THEMIS: variants seen among roughly 807,000 people sequenced by gnomAD.
THEMIS encodes the protein thymocyte selection associated.
In THEMIS, 37 loss-of-function variants were observed where a neutral mutation model predicts 52.6. The observed-to-expected ratio is 0.70, with a 90% CI of 0.54 to 0.93. The LOEUF (loss-of-function observed/expected upper bound fraction) is 0.93, where lower values mean the gene tolerates loss of function less well. Ranked by LOEUF, THEMIS falls within the 40% of genes least tolerant of loss-of-function variation. The pLI is 0.00. For missense variants in THEMIS, 808 were observed against 763.1 expected, an observed-to-expected ratio of 1.06 and a Z score of -0.69; for synonymous variants, 292 against 272.7, an observed-to-expected ratio of 1.07 and a Z score of -0.70.
chr6:127,793,699 C>A (rs1030796386), intron 4 of THEMIS, among the ~76,000 whole-genome samples: 3 of 152,134 alleles, frequency 2.0e-5, no homozygotes, highest in Non-Finnish European at 2.9e-5. Context: ...AGGAACTCAA[C>A]TGAATTTTTT....
At chr6:127,887,607 A>G (rs935315407) in intron 1 of THEMIS, among the ~76,000 whole-genome samples, 1 of 152,158 alleles carries the variant, frequency 6.6e-6, no homozygotes, top group East Asian at 1.9e-4. Flanking sequence ...GATAAAAAAG[A>G]CTGCATATTG....
At chr6:127,904,056 G>A (rs2114513719), upstream of THEMIS, among the ~76,000 whole-genome samples, 1 of 152,206 alleles carries the variant, frequency 6.6e-6, no homozygotes, top group Non-Finnish European at 1.5e-5. Context: ...GGCACCAAGA[G>A]AGAGTCTGAG....
chr6:127,785,220 T>TTATCTATC (rs71028106), intron 4 of THEMIS, among the ~76,000 whole-genome samples: 28,872 of 93,772 alleles, frequency 0.31, 3,410 homozygotes, highest in Non-Finnish European at 0.38. Flanking sequence ...ATTATCTATC[T>TTATCTATC]TATCTATCTA....
chr6:127,723,708 T>C (rs1774443059), intron 4 of THEMIS, among the ~76,000 whole-genome samples: 1 of 152,018 alleles, frequency 6.6e-6, no homozygotes, highest in South Asian at 2.1e-4. Flanking sequence ...GCATTCTTAG[T>C]AAAATTTCCC....
intron 4 of THEMIS, among the ~76,000 whole-genome samples, chr6:127,774,430 C>T (rs930841048): frequency 6.6e-6 from 1 of 152,182 alleles, no homozygotes; most frequent in Non-Finnish European, 1.5e-5. Flanking sequence ...TGGTCTCGAT[C>T]TCCTGACCCC....
At chr6:127,756,470 G>C (rs115315406) in intron 4 of THEMIS, among the ~76,000 whole-genome samples, 1 of 152,136 alleles carries the variant, frequency 6.6e-6, no homozygotes, top group East Asian at 1.9e-4. Flanking sequence ...TGATGAAAAC[G>C]ATCAATGTAA....
chr6:127,917,034 G>A (rs113817912), intron 1 of THEMIS, among the ~76,000 whole-genome samples: 2,681 of 152,304 alleles, frequency 0.018, 86 homozygotes, highest in African/African-American at 0.061. Context: ...AAGCATTGAT[G>A]TTAAAATTTA....
chr6:127,796,329 A>G (rs1777328879), intron 4 of THEMIS, among the ~76,000 whole-genome samples: 1 of 152,176 alleles, frequency 6.6e-6, no homozygotes, highest in Non-Finnish European at 1.5e-5. Flanking sequence ...TCCTGTTCCT[A>G]GCCATTATCA....
At chr6:127,804,102 C>T (rs1040596228) in intron 4 of THEMIS, among the ~76,000 whole-genome samples, 3 of 151,828 alleles carry the variant, frequency 2.0e-5, no homozygotes, top group Non-Finnish European at 2.9e-5. Flanking sequence ...TAAAAGTAGA[C>T]ATATATAGAA....
At chr6:127,873,672 C>A (rs1308397304) in intron 1 of THEMIS, among the ~76,000 whole-genome samples, 1 of 152,154 alleles carries the variant, frequency 6.6e-6, no homozygotes, top group Admixed American at 6.5e-5. Flanking sequence ...AGTCAAAAAT[C>A]CATGTTACAG....
chr6:127,900,790 TG>T, intron 1 of THEMIS, 51 bp downstream of exon 1: 1 of 1,523,604 alleles, frequency 6.6e-7, no homozygotes, highest in Non-Finnish European at 9.1e-7. Context: ...TTTTCAAAAA[TG>T]TATACTTTAC....
chr6:127,889,270 A>G (rs77896757), intron 1 of THEMIS, among the ~76,000 whole-genome samples: 1,662 of 152,218 alleles, frequency 0.011, 19 homozygotes, highest in Middle Eastern at 0.031. Context: ...TGTGACCACA[A>G]AAGGGTTGGG....
At chr6:127,816,305 T>C (rs1274501991) in intron 3 of THEMIS, among the ~76,000 whole-genome samples, 1 of 152,158 alleles carries the variant, frequency 6.6e-6, no homozygotes, top group Non-Finnish European at 1.5e-5. Context: ...TGATCTTAAG[T>C]GGTCTCATGT....
rs1583305020 is a variant in THEMIS, at chr6:127,812,963, G to A, written c.1678C>T (p.His560Tyr). 1 of 1,614,100 alleles carries A rather than the reference G, an allele frequency of 6.2e-7. No individual in the cohort carries two copies. Among genetic ancestry groups the A allele is most frequent in the Non-Finnish European group, 8.5e-7 (1 of 1,180,010 alleles). ...AACTTTGTTTCCTCTACTGAGGGGT[G>A]TTTCGGAGGGCGAGGTGGGGGATGT... Reference protein sequence around the residue: ...ASHPPPRPPKHPSVEETKLTL... With the variant: ...ASHPPPRPPKYPSVEETKLTL... Residue 560 changes from histidine (H) to tyrosine (Y), a missense_variant, in exon 4 of 6, where the codon CAC becomes TAC. His to Tyr is a moderately conservative substitution (Grantham distance 83, BLOSUM62 2). Transcript: ENST00000368248.
At chr6:127,846,479 A>T (rs1294301102) in intron 2 of THEMIS, among the ~76,000 whole-genome samples, 1 of 151,952 alleles carries the variant, frequency 6.6e-6, no homozygotes, top group East Asian at 1.9e-4. Context: ...CCACATAAAT[A>T]CAAAATATCA....
intron 5 of THEMIS, among the ~76,000 whole-genome samples, chr6:127,716,853 G>T (rs1472020752): frequency 6.6e-6 from 1 of 151,808 alleles, no homozygotes; most frequent in African/African-American, 2.4e-5. Flanking sequence ...GAGCGTCAGG[G>T]CATCCATGTC....
chr6:127,777,641 T>C (rs1264165185), intron 4 of THEMIS, among the ~76,000 whole-genome samples: 1 of 152,190 alleles, frequency 6.6e-6, no homozygotes, highest in Non-Finnish European at 1.5e-5. Flanking sequence ...AGTGCTGGAC[T>C]GAGAGCTGGA....
chr6:127,892,005 T>C (rs1177229913), intron 1 of THEMIS, among the ~76,000 whole-genome samples: 1 of 152,178 alleles, frequency 6.6e-6, no homozygotes, highest in African/African-American at 2.4e-5. Context: ...TGATTCCTTC[T>C]CAATATTCAA....
At chr6:127,776,292 C>T (rs762613622) in intron 4 of THEMIS, among the ~76,000 whole-genome samples, 3 of 152,150 alleles carry the variant, frequency 2.0e-5, no homozygotes, top group East Asian at 1.9e-4. Context: ...TGATTGTAGG[C>T]GGATTTAGTG....
Sources: allele counts gnomAD v4.1 joint callset (sites outside exome capture counted in the v4.1 genomes callset), GRCh38; gene constraint gnomAD v4.1.1; transcripts MANE v1.5; gene names NCBI Gene and HGNC (gene_info 2026-07-23, HGNC 2026-07-21).